Variants in ERCC6 observed in about 807,000 individuals in gnomAD.
ERCC6 encodes ERCC excision repair 6, chromatin remodeling factor.
In ERCC6, 116 loss-of-function variants were observed where a neutral mutation model predicts 158.7. The observed-to-expected ratio is 0.73, with a 90% CI of 0.63 to 0.85. ERCC6 has a LOEUF of 0.85. ERCC6 is among the 40% of genes least tolerant of loss of function. ERCC6 has a pLI of 0.00. For synonymous variants in ERCC6, 678 were observed against 659.3 expected, an observed-to-expected ratio of 1.03 and a Z score of -0.43; for missense variants, 1,698 against 1,799.4, an observed-to-expected ratio of 0.94 and a Z score of 1.02.
At chr10:49,472,120 G>C (rs1257184978) in intron 16 of ERCC6, among the ~76,000 whole-genome samples, 1 of 152,124 alleles carries the variant, frequency 6.6e-6, no homozygotes, top group Non-Finnish European at 1.5e-5. Context: ...ACAATATGAA[G>C]TTTACATGTA....
At chr10:49,444,529 C>T in the ERCC6 span, among the ~76,000 whole-genome samples, 2 of 152,036 alleles carry the variant, frequency 1.3e-5, no homozygotes, top group African/African-American at 2.4e-5. Flanking sequence ...CAGAGCATTA[C>T]GAAAGAAGGA....
chr10:49,467,249 C>G (rs1457155097), intron 18 of ERCC6, among the ~76,000 whole-genome samples: 1 of 152,148 alleles, frequency 6.6e-6, no homozygotes, highest in Non-Finnish European at 1.5e-5. Context: ...AAATACACAC[C>G]CAGGACTGAA....
intron 18 of ERCC6, 98 bp downstream of exon 18, chr10:49,470,084 C>A: frequency 9.5e-7 from 1 of 1,049,046 alleles, no homozygotes; most frequent in South Asian, 1.3e-5. Flanking sequence ...TGGCTGACAG[C>A]CCTCTATGCA....
At chr10:49,515,124 G>T in intron 5 of ERCC6, 1 of 1,176,816 alleles carries the variant, frequency 8.5e-7, no homozygotes, top group Non-Finnish European at 1.1e-6. Flanking sequence ...ACCCATTTAT[G>T]TCTGAGGTTA....
At chr10:49,485,337 A>G (rs1399432225) in intron 8 of ERCC6, among the ~76,000 whole-genome samples, 1 of 152,220 alleles carries the variant, frequency 6.6e-6, no homozygotes, top group African/African-American at 2.4e-5. Flanking sequence ...AGCTAGTACT[A>G]TTGACACTAG....
At chr10:49,468,591 G>C (rs1178411408) in intron 18 of ERCC6, among the ~76,000 whole-genome samples, 1 of 152,200 alleles carries the variant, frequency 6.6e-6, no homozygotes. Flanking sequence ...AGGTGTATCT[G>C]TGCAATTTGT....
chr10:49,481,782 C>G (rs1850983735), intron 10 of ERCC6, among the ~76,000 whole-genome samples: 1 of 152,244 alleles, frequency 6.6e-6, no homozygotes, highest in African/African-American at 2.4e-5. Flanking sequence ...ATCCTGTCAG[C>G]CTCCAAACCT....
intron 4 of ERCC6, 147 bp from the exon 5 acceptor site, chr10:49,524,924 T>C: frequency 6.7e-7 from 1 of 1,502,414 alleles, no homozygotes; most frequent in Non-Finnish European, 8.9e-7. Flanking sequence ...ATGTTACATA[T>C]GAAGGACAGA....
chr10:49,471,137 T>G lies in ERCC6; in HGVS notation c.2925-17A>C. ...AAGATTTGTCTAAAAAAATAAAAGATAAGCTGGTATAAAACAATGTGTAGC... is the reference window on the plus strand; with the variant it reads ...AAGATTTGTCTAAAAAAATAAAAGAGAAGCTGGTATAAAACAATGTGTAGC... On this transcript the variant is annotated splice_polypyrimidine_tract_variant and intron_variant, in intron 16 of 20. Transcript: ENST00000355832. 2 of 1,612,820 alleles carry G rather than the reference T, an allele frequency of 1.2e-6. No individual in the cohort carries two copies. The highest frequency in any genetic ancestry group is 1.7e-6 in the Non-Finnish European group (2 of 1,179,462).
At chr10:49,454,111 TTC>T (rs1228622735), downstream of ERCC6, among the ~76,000 whole-genome samples, 1 of 149,514 alleles carries the variant, frequency 6.7e-6, no homozygotes, top group South Asian at 2.2e-4. Context: ...TGCTTCACAT[TTC>T]TCTGAGGTTT....
At position 49,524,083 on chromosome 10, in the gene ERCC6, C is replaced by T. The variant is rs116660513; in HGVS notation, c.1347G>A (p.Val449=). ...VGEGGGGGRK[V]GRYRDDGDED... is the part of the protein sequence containing the mutation. ...CATCTCCATCATCTCGGTATCTTCC[C>T]ACTTTCCGACCTCCTCCTCCTCCTT... The change falls in exon 5 of 21, where the codon GTG becomes GTA. Residue 449 remains valine (V), a synonymous_variant. Transcript: ENST00000355832. 2 of 1,613,818 alleles carry T rather than the reference C, an allele frequency of 1.2e-6. No individual in the cohort carries two copies. The highest frequency in any genetic ancestry group is 4.5e-5 in the East Asian group (2 of 44,882).
At chr10:49,512,847 A>G (rs1030079998) in intron 5 of ERCC6, among the ~76,000 whole-genome samples, 4 of 152,242 alleles carry the variant, frequency 2.6e-5, no homozygotes, top group Admixed American at 2.0e-4. Context: ...TCAAATATGG[A>G]ATTTTCCACT....
At chr10:49,464,420 G>A (rs879249752) in intron 18 of ERCC6, among the ~76,000 whole-genome samples, 1 of 152,320 alleles carries the variant, frequency 6.6e-6, no homozygotes, top group South Asian at 2.1e-4. Context: ...TGGACAATTT[G>A]CAGCCTTACA....
At position 49,458,834 on chromosome 10, in the gene ERCC6, A is replaced by G. The variant is rs1260858432; in HGVS notation, c.4463T>C (p.Leu1488Pro). The change falls in exon 21 of 21, where the codon CTC becomes CCC. Residue 1488 changes from leucine to proline, a missense_variant. Leu to Pro is a moderately conservative substitution (Grantham distance 98). Coordinates refer to ENST00000355832, the MANE Select transcript of ERCC6 (RefSeq NM_000124.4). The stretch of plus-strand genomic sequence containing the variant: ...TGTTGTTTAGCAGTATTCTGGCTTG[A>G]GTTTCCAAATTCCTTCACCACCAGA... ...RTSGGEGIWK[L>P]KPEYC 6.2e-7 allele frequency: 1 copy of G among 1,614,210 alleles called. No individual in the cohort carries two copies. Among genetic ancestry groups the G allele is most frequent in the Non-Finnish European group, 8.5e-7 (1 of 1,180,028 alleles).
chr10:49,524,101 T>A lies in ERCC6; in HGVS notation c.1329A>T (p.Gly443=), dbSNP rs1368593770. The A allele has an allele frequency of 6.2e-7, 1 of 1,613,946 alleles. No individual in the cohort carries two copies. Among genetic ancestry groups the A allele is most frequent in the African/African-American group, 1.3e-5 (1 of 75,014 alleles). Residue 443 remains glycine (G), a synonymous_variant, in exon 5 of 21, where the codon GGA becomes GGT. Coordinates refer to ENST00000355832, the MANE Select transcript of ERCC6 (RefSeq NM_000124.4). ...ATCTTCCCACTTTCCGACCTCCTCC[T>A]CCTCCTTCTCCTACAGAAGCAGCTT... ...EAEAASVGEG[G]GGGRKVGRYR...
intron 12 of ERCC6, 71 bp downstream of exon 12, chr10:49,476,144 C>G (rs1223681158): frequency 1.9e-6 from 2 of 1,064,912 alleles, no homozygotes; most frequent in Non-Finnish European, 2.9e-6. Context: ...CAATGTAGAT[C>G]CTAGTTTCTT....
chr10:49,442,276 G>T, the ERCC6 span, among the ~76,000 whole-genome samples: 1 of 152,236 alleles, frequency 6.6e-6, no homozygotes, highest in African/African-American at 2.4e-5. Flanking sequence ...CTGCCTCAGC[G>T]CCCGGTGCGG....
chr10:49,492,102 G>A (rs1374252098), intron 8 of ERCC6, among the ~76,000 whole-genome samples: 1 of 152,150 alleles, frequency 6.6e-6, no homozygotes, highest in Non-Finnish European at 1.5e-5. Context: ...AACAGTGTAA[G>A]CAAAATTCCA....
At chr10:49,498,498 G>C (rs997645456) in intron 7 of ERCC6, among the ~76,000 whole-genome samples, 6 of 152,040 alleles carry the variant, frequency 3.9e-5, no homozygotes, top group African/African-American at 9.7e-5. Context: ...ACATATGAGC[G>C]GGGGGGACCA....
Sources: gnomAD v4.1 joint callset for allele counts (sites outside exome capture counted in the v4.1 genomes callset) on GRCh38, gnomAD v4.1.1 for gene constraint, MANE v1.5 for transcripts, NCBI Gene and HGNC (gene_info 2026-07-23, HGNC 2026-07-21) for gene names.